ADAMTS6: variants seen among roughly 807,000 people sequenced by gnomAD.
ADAMTS6 encodes the protein A disintegrin and metalloproteinase with thrombospondin motifs 6.
Under a neutral mutation model 144.3 loss-of-function variants are expected in ADAMTS6, and 23 were observed. The observed-to-expected ratio is 0.16, with a 90% CI of 0.11 to 0.23. ADAMTS6 has a LOEUF of 0.23. ADAMTS6 is among the 10% of genes least tolerant of loss of function. The pLI is 1.00. For missense variants in ADAMTS6, 999 were observed against 1,379.6 expected, an observed-to-expected ratio of 0.72 and a Z score of 4.37; for synonymous variants, 444 against 457.5, an observed-to-expected ratio of 0.97 and a Z score of 0.38.
intron 8 of ADAMTS6, among the ~76,000 whole-genome samples, chr5:65,330,043 T>C (rs1378825086): frequency 6.6e-6 from 1 of 152,104 alleles, no homozygotes; most frequent in Non-Finnish European, 1.5e-5. Context: ...CTCAAATTAA[T>C]CCTGACAGTG....
chr5:65,419,930 C>A (rs117217751), intron 7 of ADAMTS6, among the ~76,000 whole-genome samples: 1 of 152,048 alleles, frequency 6.6e-6, no homozygotes, highest in Non-Finnish European at 1.5e-5. Flanking sequence ...TACATCTTTG[C>A]GAATATACTT....
At chr5:65,364,356 C>T (rs1287727595) in intron 7 of ADAMTS6, among the ~76,000 whole-genome samples, 1 of 152,084 alleles carries the variant, frequency 6.6e-6, no homozygotes, top group East Asian at 1.9e-4. Flanking sequence ...ATCTTCAGAG[C>T]TCTTTCATTA....
rs149397455 is a variant in ADAMTS6 at position 65,178,012 on chromosome 5, G to A, written c.2911-5004C>T. Among the ~76,000 whole-genome samples, 13 of 152,232 alleles carry A rather than the reference G, an allele frequency of 8.5e-5. No individual in the cohort carries two copies. The South Asian group carries it at 1.0e-3, about 12-fold the overall frequency. On this transcript the variant is annotated intron_variant, in intron 22 of 24. Coordinates refer to ENST00000381055, the MANE Select transcript of ADAMTS6 (RefSeq NM_197941.4). ...CCTCTTCCAACACTAAGTTCACTTC[G>A]TGTCTCTCACGACAGGGAGGAAACT...
intron 9 of ADAMTS6, among the ~76,000 whole-genome samples, chr5:65,310,442 C>A (rs1744384220): frequency 6.6e-6 from 1 of 152,162 alleles, no homozygotes; most frequent in Non-Finnish European, 1.5e-5. Flanking sequence ...AGAAGGATCA[C>A]TTGAGCCCAG....
At chr5:65,161,916 T>C (rs2074526014) in intron 24 of ADAMTS6, among the ~76,000 whole-genome samples, 1 of 152,238 alleles carries the variant, frequency 6.6e-6, no homozygotes. Context: ...TGAGTCATAC[T>C]TTGCAGGATT....
At chr5:65,404,310 G>C (rs960379691) in intron 7 of ADAMTS6, among the ~76,000 whole-genome samples, 1 of 151,918 alleles carries the variant, frequency 6.6e-6, no homozygotes, top group Non-Finnish European at 1.5e-5. Flanking sequence ...CCTACCCCAT[G>C]ACAGGCCCTG....
chr5:65,275,942 T>A (rs1443885406), intron 11 of ADAMTS6, among the ~76,000 whole-genome samples: 1 of 152,132 alleles, frequency 6.6e-6, no homozygotes, highest in Non-Finnish European at 1.5e-5. Flanking sequence ...TCTTTTGTGA[T>A]CTTTATTAGG....
At chr5:65,370,582 G>A (rs1750780881) in intron 7 of ADAMTS6, among the ~76,000 whole-genome samples, 1 of 152,178 alleles carries the variant, frequency 6.6e-6, no homozygotes, top group African/African-American at 2.4e-5. Context: ...TTAAAAAATG[G>A]CGCACCACGA....
At chr5:65,435,955 A>AT (rs949231376) in intron 7 of ADAMTS6, among the ~76,000 whole-genome samples, 5 of 152,102 alleles carry the variant, frequency 3.3e-5, no homozygotes, top group African/African-American at 9.7e-5. Flanking sequence ...AACAATGAAT[A>AT]TTTTTTAAAA....
intron 11 of ADAMTS6, among the ~76,000 whole-genome samples, chr5:65,282,823 T>C (rs1370448693): frequency 6.6e-6 from 1 of 152,048 alleles, no homozygotes; most frequent in Non-Finnish European, 1.5e-5. Context: ...TGGCCTCAAC[T>C]AGATTTTCAG....
At chr5:65,264,618 A>C (rs1761463938) in intron 12 of ADAMTS6, among the ~76,000 whole-genome samples, 2 of 152,112 alleles carry the variant, frequency 1.3e-5, no homozygotes, top group African/African-American at 4.8e-5. Flanking sequence ...TTTACTTATC[A>C]AATTACTTCT....
intron 14 of ADAMTS6, among the ~76,000 whole-genome samples, chr5:65,249,013 G>A (rs1288153598): frequency 5.3e-5 from 8 of 150,102 alleles, no homozygotes; most frequent in African/African-American, 9.8e-5. Flanking sequence ...GTTTTTTGCC[G>A]TGTGTGTGTG....
At chr5:65,319,369 T>C (rs1002865307) in intron 9 of ADAMTS6, among the ~76,000 whole-genome samples, 1 of 148,748 alleles carries the variant, frequency 6.7e-6, no homozygotes, top group Non-Finnish European at 1.5e-5. Context: ...TAATAAGGAG[T>C]AGACAATGAA....
At chr5:65,288,603 C>T (rs1470944896) in intron 11 of ADAMTS6, among the ~76,000 whole-genome samples, 1 of 152,192 alleles carries the variant, frequency 6.6e-6, no homozygotes, top group Non-Finnish European at 1.5e-5. Context: ...CAGGCGTGAG[C>T]CACCACACCT....
intron 7 of ADAMTS6, among the ~76,000 whole-genome samples, chr5:65,402,744 C>G (rs1754039562): frequency 6.6e-6 from 1 of 151,978 alleles, no homozygotes; most frequent in East Asian, 1.9e-4. Context: ...TTCTTAAGGA[C>G]ACTGTTACTA....
intron 24 of ADAMTS6, 133 bp downstream of exon 24, chr5:65,170,484 G>T: frequency 1.0e-6 from 1 of 1,002,154 alleles, no homozygotes; most frequent in Non-Finnish European, 1.4e-6. Context: ...ATTGCTGTCT[G>T]CATATAAGCA....
At chr5:65,308,499 A>C (rs917995695) in intron 9 of ADAMTS6, among the ~76,000 whole-genome samples, 1 of 152,016 alleles carries the variant, frequency 6.6e-6, no homozygotes, top group South Asian at 2.1e-4. Flanking sequence ...TGCAAGTAAT[A>C]CTTTTAAACA....
At chr5:65,334,341 G>C (rs1338129803) in intron 7 of ADAMTS6, among the ~76,000 whole-genome samples, 1 of 152,132 alleles carries the variant, frequency 6.6e-6, no homozygotes, top group Non-Finnish European at 1.5e-5. Flanking sequence ...TTTTGTAATC[G>C]CAAGTTCCAT....
intron 9 of ADAMTS6, among the ~76,000 whole-genome samples, chr5:65,322,299 C>T (rs900337355): frequency 6.6e-6 from 1 of 152,164 alleles, no homozygotes; most frequent in Non-Finnish European, 1.5e-5. Context: ...AGCCAAGTAG[C>T]ATGATGTCTC....
Sources: allele counts gnomAD v4.1 joint callset (sites outside exome capture counted in the v4.1 genomes callset), GRCh38; gene constraint gnomAD v4.1.1; transcripts MANE v1.5; gene names NCBI Gene and HGNC (gene_info 2026-07-23, HGNC 2026-07-21).